Variants in NEDD4L observed in about 807,000 individuals in gnomAD.
NEDD4L encodes the protein E3 ubiquitin-protein ligase NEDD4-like.
In NEDD4L, 54 loss-of-function variants were observed where a neutral mutation model predicts 148.9. That is an observed-to-expected ratio of 0.36 (90% CI 0.29 to 0.45). The LOEUF is 0.45. NEDD4L is among the 20% of genes least tolerant of loss of function. The pLI is 1.00. For synonymous variants in NEDD4L, 433 were observed against 440.7 expected, an observed-to-expected ratio of 0.98 and a Z score of 0.22; for missense variants, 856 against 1,233.8, an observed-to-expected ratio of 0.69 and a Z score of 4.59.
intron 19 of NEDD4L, among the ~76,000 whole-genome samples, chr18:58,358,277 A>G (rs564961260): frequency 5.9e-5 from 9 of 152,246 alleles, no homozygotes; most frequent in Admixed American, 2.6e-4. Flanking sequence ...TTTGGGTACT[A>G]TTTCCTAGGC....
chr18:58,266,315 A>C (rs2050213341), intron 5 of NEDD4L, among the ~76,000 whole-genome samples: 1 of 152,120 alleles, frequency 6.6e-6, no homozygotes, highest in African/African-American at 2.4e-5. Flanking sequence ...TAACCTTAGA[A>C]GCAGAAAAGG....
chr18:58,209,065 G>A lies in NEDD4L; in HGVS notation c.123-36362G>A, dbSNP rs142965292. On this transcript the variant is annotated intron_variant, in intron 2 of 30. Transcript: ENST00000400345. ...AACCCAAACATGTTTCCCAAAATGT[G>A]AAATGAAGAGTGAAAACCTAACAAT... Among the ~76,000 whole-genome samples the A allele has an allele frequency of 3.2e-3, 486 of 151,798 alleles. 5 individuals are homozygous for A. The South Asian group carries it at 0.033, about 10-fold the overall frequency.
At chr18:58,361,371 A>G (rs913827955) in intron 19 of NEDD4L, among the ~76,000 whole-genome samples, 24 of 152,198 alleles carry the variant, frequency 1.6e-4, no homozygotes, top group Non-Finnish European at 7.3e-5. Context: ...CACTAGTAAT[A>G]GCATTTAGTA....
chr18:58,095,255 G>C (rs2084316443), intron 1 of NEDD4L, among the ~76,000 whole-genome samples: 1 of 152,216 alleles, frequency 6.6e-6, no homozygotes, highest in African/African-American at 2.4e-5. Context: ...GGGCCATGGA[G>C]GCAGGCAAAG....
At chr18:58,285,317 G>T (rs1424303605) in intron 5 of NEDD4L, among the ~76,000 whole-genome samples, 3 of 151,856 alleles carry the variant, frequency 2.0e-5, no homozygotes, top group African/African-American at 7.3e-5. Flanking sequence ...ATGAGATGAT[G>T]TGTGTGTGGG....
intron 2 of NEDD4L, among the ~76,000 whole-genome samples, chr18:58,205,672 G>A (rs941068384): frequency 1.4e-4 from 21 of 151,918 alleles, no homozygotes; most frequent in African/African-American, 4.3e-4. Context: ...TTAGTCATTA[G>A]TTGAAGATTT....
chr18:58,265,169 G>C (rs2050044296), intron 5 of NEDD4L, among the ~76,000 whole-genome samples: 1 of 152,024 alleles, frequency 6.6e-6, no homozygotes, highest in South Asian at 2.1e-4. Flanking sequence ...CCAGTGGGAG[G>C]GGCCTCATTG....
chr18:58,244,495 A>G (rs1257496493), intron 2 of NEDD4L, among the ~76,000 whole-genome samples: 2 of 152,196 alleles, frequency 1.3e-5, no homozygotes, highest in East Asian at 3.8e-4. Context: ...CATCTTGCTA[A>G]AAGTTCCTTT....
At chr18:58,285,398 G>A (rs1408791107) in intron 5 of NEDD4L, among the ~76,000 whole-genome samples, 2 of 151,512 alleles carry the variant, frequency 1.3e-5, no homozygotes, top group African/African-American at 2.4e-5. Flanking sequence ...GTGTGATCTC[G>A]GCTCACTGCA....
intron 5 of NEDD4L, among the ~76,000 whole-genome samples, chr18:58,278,815 T>C (rs73961551): frequency 0.016 from 2,393 of 152,326 alleles, 52 homozygotes; most frequent in African/African-American, 0.055. Context: ...AAGATGGAGA[T>C]TTTCAGAATA....
At chr18:58,214,778 T>C (rs988512646) in intron 2 of NEDD4L, among the ~76,000 whole-genome samples, 22 of 138,278 alleles carry the variant, frequency 1.6e-4, no homozygotes, top group Non-Finnish European at 2.6e-4. Flanking sequence ...CTCTGTGGTA[T>C]TTCTGTTTCT....
intron 2 of NEDD4L, among the ~76,000 whole-genome samples, chr18:58,191,262 A>G (rs969135200): frequency 2.0e-5 from 3 of 152,214 alleles, no homozygotes; most frequent in Non-Finnish European, 2.9e-5. Flanking sequence ...CCCTGTCACC[A>G]CATTTTCTGG....
chr18:58,273,080 G>A (rs1049307367), intron 5 of NEDD4L, among the ~76,000 whole-genome samples: 1 of 152,174 alleles, frequency 6.6e-6, no homozygotes, highest in African/African-American at 2.4e-5. Context: ...GCAGCCGTTC[G>A]CCCAAAGGTC....
chr18:58,098,804 C>G (rs1674650660), intron 1 of NEDD4L, among the ~76,000 whole-genome samples: 1 of 152,180 alleles, frequency 6.6e-6, no homozygotes, highest in South Asian at 2.1e-4. Flanking sequence ...ACAGTCATCA[C>G]TCTGTACTTA....
intron 1 of NEDD4L, among the ~76,000 whole-genome samples, chr18:58,098,308 C>G (rs1162804843): frequency 1.3e-5 from 2 of 152,114 alleles, no homozygotes; most frequent in Non-Finnish European, 1.5e-5. Flanking sequence ...TTTGGTCACC[C>G]TCTTCAGGCC....
intron 5 of NEDD4L, among the ~76,000 whole-genome samples, chr18:58,294,851 C>T (rs888687216): frequency 1.3e-5 from 2 of 152,050 alleles, no homozygotes; most frequent in Admixed American, 6.6e-5. Flanking sequence ...CTAATGGTCT[C>T]CATTATTTAG....
At chr18:58,297,947 G>A (rs2149214177) in intron 5 of NEDD4L, among the ~76,000 whole-genome samples, 2 of 152,234 alleles carry the variant, frequency 1.3e-5, no homozygotes, top group Middle Eastern at 6.8e-3. Flanking sequence ...ATTCTTCCCT[G>A]TTGTGCTTCG....
At chr18:58,265,351 G>A (rs1162672636) in intron 5 of NEDD4L, among the ~76,000 whole-genome samples, 3 of 152,166 alleles carry the variant, frequency 2.0e-5, no homozygotes, top group African/African-American at 7.2e-5. Context: ...ATCAAATGTG[G>A]AGTTGGATGA....
intron 1 of NEDD4L, among the ~76,000 whole-genome samples, chr18:58,154,832 A>G (rs555264514): frequency 1.3e-5 from 2 of 152,178 alleles, no homozygotes; most frequent in Non-Finnish European, 2.9e-5. Flanking sequence ...TTATTCCTCA[A>G]ATATTTATGA....
Sources: allele counts gnomAD v4.1 joint callset (sites outside exome capture counted in the v4.1 genomes callset), GRCh38; gene constraint gnomAD v4.1.1; transcripts MANE v1.5; gene names NCBI Gene and HGNC (gene_info 2026-07-23, HGNC 2026-07-21).